The following POU2AF1 variants were observed in gnomAD, a reference collection of about 807,000 sequenced individuals.
POU2AF1 encodes POU domain class 2-associating factor 1.
A neutral mutation model predicts 26.3 loss-of-function variants in POU2AF1; 12 were observed. The ratio of observed to expected loss-of-function variants is 0.46; its 90% CI spans 0.29 to 0.74. The LOEUF is 0.74. Ranked by LOEUF, POU2AF1 falls within the 30% of genes least tolerant of loss-of-function variation. The pLI is 0.09. For synonymous variants in POU2AF1, 175 were observed against 148.0 expected, an observed-to-expected ratio of 1.18 and a Z score of -1.32; for missense variants, 297 against 334.5, an observed-to-expected ratio of 0.89 and a Z score of 0.87.
chr11:111,379,201 T>C lies in POU2AF1; in HGVS notation c.-24A>G, dbSNP rs1372103778. ...ATGGCCTGTGACAGGATGTTGCCTT[T>C]TCTCTTTGAAGCCGACAGTTTGGCT... On this transcript the variant is annotated 5_prime_UTR_variant, in exon 1 of 5. Coordinates refer to ENST00000393067, the MANE Select transcript of POU2AF1 (RefSeq NM_006235.3). 1 of 1,614,122 alleles carries C rather than the reference T, an allele frequency of 6.2e-7. No homozygotes were observed.
chr11:111,357,925 A>G (rs1014566320), intron 2 of POU2AF1, 88 bp from the exon 3 acceptor site: 36 of 1,340,344 alleles, frequency 2.7e-5, no homozygotes, highest in Non-Finnish European at 3.6e-5. Flanking sequence ...GCCTCAGGGC[A>G]GGAGAATAGA....
chr11:111,376,277 A>G (rs1440183614), intron 1 of POU2AF1, among the ~76,000 whole-genome samples: 4 of 152,218 alleles, frequency 2.6e-5, no homozygotes, highest in Admixed American at 2.6e-4. Context: ...TCTCACAAAG[A>G]AAGAACTAAG....
chr11:111,366,262 A>T (rs535936717), intron 1 of POU2AF1, among the ~76,000 whole-genome samples: 5 of 152,320 alleles, frequency 3.3e-5, no homozygotes, highest in African/African-American at 9.6e-5. Context: ...AACTGAGAGG[A>T]TCCTGCAGCC....
At chr11:111,364,341 C>A (rs1203015447) in intron 1 of POU2AF1, 2 of 152,336 alleles carry the variant, frequency 1.3e-5, no homozygotes, top group South Asian at 2.1e-4. Flanking sequence ...TATGGTGCTC[C>A]AGTTCCTTGA....
intron 1 of POU2AF1, chr11:111,363,414 G>C: frequency 3.0e-6 from 3 of 1,015,704 alleles, no homozygotes; most frequent in Non-Finnish European, 3.5e-6. Flanking sequence ...GAAACTTGCA[G>C]TTGGTACCTT....
At chr11:111,360,943 A>C (rs771963408) in intron 1 of POU2AF1, among the ~76,000 whole-genome samples, 80 of 113,804 alleles carry the variant, frequency 7.0e-4, no homozygotes, top group Non-Finnish European at 1.1e-3. Context: ...ACTCTGTCTC[A>C]AAAAAAAAAA....
rs1406306657 is a variant in POU2AF1 at position 111,358,766 on chromosome 11, TCTCACACA to T, written c.147+14_147+21del. The T allele has an allele frequency of 1.9e-6, 3 of 1,558,392 alleles. No individual in the cohort carries two copies. In the African/African-American group the frequency reaches 4.1e-5, roughly 21 times the overall value. On this transcript the variant is annotated intron_variant, in intron 2 of 4. Transcript: ENST00000393067. Reference sequence around the variant, plus strand: ...CTCTTTCACACACACACACTCACACTCTCACACACACAAACTCTCACCGCCGTAGGTGC... The same window carrying T: ...CTCTTTCACACACACACACTCACACTCACAAACTCTCACCGCCGTAGGTGC...
At chr11:111,363,382 C>A in intron 1 of POU2AF1, 1 of 1,019,008 alleles carries the variant, frequency 9.8e-7, no homozygotes, top group Non-Finnish European at 1.2e-6. Context: ...AGGAGCCCAA[C>A]GGCCAAGTGT....
intron 1 of POU2AF1, among the ~76,000 whole-genome samples, chr11:111,371,130 G>C (rs976720458): frequency 8.5e-5 from 13 of 152,062 alleles, no homozygotes; most frequent in African/African-American, 2.9e-4. Context: ...TTTTAACAAT[G>C]TCCTGTATGC....
rs890024086 is a variant in POU2AF1 at position 111,358,798 on chromosome 11, G to T, written c.137C>A (p.Ala46Glu). The T allele has an allele frequency of 2.5e-6, 4 of 1,597,566 alleles. No individual in the cohort carries two copies. The highest frequency in any genetic ancestry group is 3.4e-6 in the Non-Finnish European group (4 of 1,175,496). The change falls in exon 2 of 5, where the codon GCA (alanine) becomes GAA (glutamate). Residue 46 changes from alanine (A) to glutamate (E), a missense_variant. Transcript: ENST00000393067. ...RGHASSGAAPAPTAVVLPHQP... is the reference protein window; with the variant it reads ...RGHASSGAAPEPTAVVLPHQP... ...CACACAAACTCTCACCGCCGTAGGT[G>T]CAGGTGCTGCCCCACTGCTGGCGTG... is the stretch of plus-strand genomic sequence containing the variant.
rs985411360 is a variant in POU2AF1 at position 111,353,905 on chromosome 11, G to A, written c.*356C>T. ...AGAGAGAAGAAGCGAGGGAGGGAGG[G>A]AGGTAAAGAAGGAAAGGGAGAAGGG... On this transcript the variant is annotated 3_prime_UTR_variant, in exon 5 of 5. Transcript: ENST00000393067. 2 of 302,758 alleles carry A rather than the reference G, an allele frequency of 6.6e-6. No homozygotes were observed. 18.8% of individuals were successfully genotyped at this position (302,758 alleles called of 1,614,324 possible).
At chr11:111,369,027 G>A (rs1274686130) in intron 1 of POU2AF1, among the ~76,000 whole-genome samples, 2 of 152,120 alleles carry the variant, frequency 1.3e-5, no homozygotes, top group Non-Finnish European at 2.9e-5. Context: ...CATACCCAGG[G>A]CCTTCTGTTG....
chr11:111,363,109 T>G, intron 1 of POU2AF1: 7 of 1,007,200 alleles, frequency 6.9e-6, no homozygotes, highest in Non-Finnish European at 8.3e-6. Context: ...CTGGACTTCC[T>G]TGGAACTCAG....
chr11:111,360,934 C>T (rs1353004889), intron 1 of POU2AF1, among the ~76,000 whole-genome samples: 2 of 143,960 alleles, frequency 1.4e-5, no homozygotes, highest in Non-Finnish European at 3.0e-5. Context: ...CAGAGAGAGA[C>T]TCTGTCTCAA....
intron 1 of POU2AF1, chr11:111,363,684 A>G: frequency 6.0e-6 from 3 of 496,716 alleles, no homozygotes; most frequent in Non-Finnish European, 7.8e-6. Context: ...AAATCCAAAG[A>G]AAATAAACCA....
chr11:111,363,869 C>A, intron 1 of POU2AF1: 1 of 985,406 alleles, frequency 1.0e-6, no homozygotes, highest in Non-Finnish European at 1.2e-6. Flanking sequence ...TTAAGTCTCC[C>A]GTAGGTATCC....
intron 1 of POU2AF1, 97 bp downstream of exon 1, chr11:111,379,065 C>A: frequency 1.3e-6 from 2 of 1,519,520 alleles, no homozygotes; most frequent in Non-Finnish European, 1.8e-6. Flanking sequence ...GTGGCCCCAT[C>A]ACCTCCACCA....
chr11:111,364,611 G>T (rs1044724874), intron 1 of POU2AF1, among the ~76,000 whole-genome samples: 1 of 152,236 alleles, frequency 6.6e-6, no homozygotes, highest in Non-Finnish European at 1.5e-5. Context: ...TTGAGAGAAG[G>T]TCCTTCTCCC....
chr11:111,361,586 A>G (rs1861009512), intron 1 of POU2AF1, among the ~76,000 whole-genome samples: 1 of 152,348 alleles, frequency 6.6e-6, no homozygotes, highest in East Asian at 1.9e-4. Flanking sequence ...GGTTTTAATT[A>G]TCTTCCTTCT....
Sources: gnomAD v4.1 joint callset for allele counts (sites outside exome capture counted in the v4.1 genomes callset) on GRCh38, gnomAD v4.1.1 for gene constraint, MANE v1.5 for transcripts, NCBI Gene and HGNC (gene_info 2026-07-23, HGNC 2026-07-21) for gene names.